The following BICC1 variants were observed in gnomAD, a reference collection of about 807,000 sequenced individuals.
BICC1 encodes protein bicaudal C homolog 1.
In BICC1, 43 loss-of-function variants were observed where a neutral mutation model predicts 111.0. That is an observed-to-expected ratio of 0.39 (90% confidence interval 0.30 to 0.50). The LOEUF (loss-of-function observed/expected upper bound fraction) is 0.50. Ranked by LOEUF, BICC1 falls within the 20% of genes least tolerant of loss-of-function variation. The pLI, the probability that BICC1 is intolerant of heterozygous loss-of-function variation, is 0.88. For missense variants in BICC1, 1,091 were observed against 1,203.2 expected (o/e 0.91, Z 1.38); for synonymous variants, 467 against 434.4 (o/e 1.07, Z -0.93).
intron 2 of BICC1, among the ~76,000 whole-genome samples, chr10:58,639,762 C>T (rs1838067475): frequency 1.5e-5 from 2 of 137,812 alleles, no homozygotes; most frequent in Non-Finnish European, 3.1e-5. Flanking sequence ...TCCTTCGTCT[C>T]CCAGGCTGGG....
intron 3 of BICC1, among the ~76,000 whole-genome samples, chr10:58,718,445 A>G (rs1057090448): frequency 4.6e-5 from 7 of 152,220 alleles, no homozygotes; most frequent in Non-Finnish European, 8.8e-5. Context: ...TTGTGGGCAT[A>G]TAAACATTCA....
chr10:58,627,313 AC>A (rs1837662776), intron 2 of BICC1, among the ~76,000 whole-genome samples: 1 of 152,190 alleles, frequency 6.6e-6, no homozygotes, highest in African/African-American at 2.4e-5. Context: ...ACAAGACAGG[AC>A]CCTGGATTAC....
At chr10:58,760,369 C>CGCCT (rs1564598114) in intron 3 of BICC1, among the ~76,000 whole-genome samples, 1 of 152,102 alleles carries the variant, frequency 6.6e-6, no homozygotes, top group Non-Finnish European at 1.5e-5. Context: ...TCATATATTA[C>CGCCT]GCCTCTTCCA....
intron 20 of BICC1, among the ~76,000 whole-genome samples, chr10:58,821,762 A>G (rs1211507477): frequency 6.6e-6 from 1 of 152,186 alleles, no homozygotes; most frequent in Non-Finnish European, 1.5e-5. Flanking sequence ...TATAGTGGAA[A>G]GAACACTGGA....
chr10:58,647,154 A>C (rs1564529783), intron 2 of BICC1, among the ~76,000 whole-genome samples: 1 of 152,134 alleles, frequency 6.6e-6, no homozygotes, highest in Non-Finnish European at 1.5e-5. Context: ...GTTTTTTTCT[A>C]ACCATCAACT....
chr10:58,512,991 T>TGGC lies in BICC1; in HGVS notation c.-142_-140dup, dbSNP rs564865167. The TGGC allele has an allele frequency of 7.0e-5, 26 of 372,414 alleles. No individual in the cohort carries two copies. Among genetic ancestry groups the TGGC allele is most frequent in the Non-Finnish European group, 9.4e-5 (24 of 255,592 alleles). 23.1% of individuals were successfully genotyped at this position (372,414 alleles called of 1,614,324 possible). On this transcript the variant is annotated 5_prime_UTR_variant, in exon 1 of 21. Transcript: ENST00000373886. The stretch of plus-strand genomic sequence containing the variant: ...GGGCTGGGATGCGCCGGGGGCTCAG[T>TGGC]GGCGGCGGCGGCGTTGGCGGTGGCG...
At chr10:58,690,748 A>C (rs1391210032) in intron 2 of BICC1, among the ~76,000 whole-genome samples, 1 of 152,164 alleles carries the variant, frequency 6.6e-6, no homozygotes, top group Non-Finnish European at 1.5e-5. Flanking sequence ...ATCAGCATAG[A>C]TGCCATCAGG....
chr10:58,831,148 A>G lies in BICC1; in HGVS notation c.*2257A>G, dbSNP rs968654901. 30 of 152,232 alleles carry G rather than the reference A, an allele frequency of 2.0e-4. No homozygotes were observed. Among genetic ancestry groups the G allele is most frequent in the Admixed American group, 5.2e-4 (8 of 15,280 alleles). The allele number at this position is 152,232 out of a possible 1,614,324, so 9.4% of individuals were successfully genotyped here. A position where few individuals can be genotyped will look rare whatever the true frequency, so the allele number is the denominator to read the frequency against. ...CTTTCTCTCACTTTCTCTTGATGCAATGAAGGGAATATGACACTACAGTAT... is the reference window on the plus strand; with the variant it reads ...CTTTCTCTCACTTTCTCTTGATGCAGTGAAGGGAATATGACACTACAGTAT... On this transcript the variant is annotated 3_prime_UTR_variant, in exon 21 of 21. Coordinates refer to ENST00000373886, the MANE Select transcript of BICC1 (RefSeq NM_001080512.3).
intron 17 of BICC1, among the ~76,000 whole-genome samples, chr10:58,810,338 A>C (rs892068958): frequency 6.6e-6 from 1 of 152,150 alleles, no homozygotes; most frequent in Non-Finnish European, 1.5e-5. Flanking sequence ...CAGCACATTC[A>C]CATTGAAATT....
chr10:58,708,691 G>A (rs531135380), intron 3 of BICC1, among the ~76,000 whole-genome samples: 4 of 147,814 alleles, frequency 2.7e-5, no homozygotes, highest in East Asian at 2.1e-4. Flanking sequence ...ATGCAAATGG[G>A]GTCTCTACTT....
chr10:58,823,439 T>C (rs920490281), intron 20 of BICC1: 1 of 983,776 alleles, frequency 1.0e-6, no homozygotes, highest in Non-Finnish European at 1.2e-6. Context: ...CTCTGGAAGA[T>C]TTATCTCTGT....
chr10:58,718,716 A>G (rs1191407228), intron 3 of BICC1, among the ~76,000 whole-genome samples: 2 of 151,328 alleles, frequency 1.3e-5, no homozygotes, highest in Admixed American at 1.3e-4. Flanking sequence ...TCTAAAGACT[A>G]GGTCCTCAAT....
chr10:58,772,140 A>G (rs548641581), intron 3 of BICC1, among the ~76,000 whole-genome samples: 1 of 152,214 alleles, frequency 6.6e-6, no homozygotes, highest in South Asian at 2.1e-4. Flanking sequence ...TAGAACTTCA[A>G]GTTCCATTCC....
intron 2 of BICC1, among the ~76,000 whole-genome samples, chr10:58,628,249 T>G (rs1837693695): frequency 6.6e-6 from 1 of 152,190 alleles, no homozygotes; most frequent in South Asian, 2.1e-4. Flanking sequence ...TAAGATAGAT[T>G]GAAGTTGTTA....
rs1009561599 is a variant in BICC1, at chr10:58,513,083, G to A, written c.-61G>A. ...AGCCAGTTGAGCCCGGCCGGCGAGC[G>A]GAGGCGGCAGCGCAGGCAGAGCGGC... On this transcript the variant is annotated 5_prime_UTR_variant, in exon 1 of 21. Transcript: ENST00000373886. 158 of 1,248,232 alleles carry A rather than the reference G, an allele frequency of 1.3e-4. No individual in the cohort carries two copies. Among genetic ancestry groups the A allele is most frequent in the Non-Finnish European group, 1.5e-4 (149 of 984,792 alleles). 77.3% of individuals were successfully genotyped at this position (1,248,232 alleles called of 1,614,324 possible). A position where few individuals can be genotyped will look rare whatever the true frequency, so the allele number is the denominator to read the frequency against.
At position 58,800,289 on chromosome 10, in the gene BICC1, G is replaced by A; in HGVS notation, c.1821G>A (p.Gly607=). The A allele has an allele frequency of 6.2e-7, 1 of 1,613,764 alleles. No individual in the cohort carries two copies. The highest frequency in any genetic ancestry group is 1.1e-5 in the South Asian group (1 of 91,036). ...GGGATCCGTCCATCCAGACAAGTGG[G>A]TCTGAGCAGACATCTCCCAAATCAA... ...NHGDPSIQTS[G]SEQTSPKSSP... The change falls in exon 13 of 21, where the codon GGG becomes GGA. Residue 607 remains glycine (G), a synonymous_variant. Transcript: ENST00000373886.
chr10:58,691,978 T>C (rs1361364820), intron 2 of BICC1, among the ~76,000 whole-genome samples: 1 of 152,250 alleles, frequency 6.6e-6, no homozygotes, highest in African/African-American at 2.4e-5. Context: ...TCTTCTGTTC[T>C]CTTCATGTTA....
At chr10:58,733,866 A>G (rs569039607) in intron 3 of BICC1, among the ~76,000 whole-genome samples, 5 of 152,342 alleles carry the variant, frequency 3.3e-5, no homozygotes, top group Admixed American at 2.6e-4. Flanking sequence ...ATGCAGAACT[A>G]TGAATGTTGT....
intron 3 of BICC1, among the ~76,000 whole-genome samples, chr10:58,743,056 G>T (rs149462539): frequency 2.0e-4 from 30 of 152,290 alleles, no homozygotes; most frequent in African/African-American, 7.2e-4. Context: ...GGTGGCAATT[G>T]AACCTGGTTT....
Sources: allele counts gnomAD v4.1 joint callset (sites outside exome capture counted in the v4.1 genomes callset), GRCh38; gene constraint gnomAD v4.1.1; transcripts MANE v1.5; gene names NCBI Gene and HGNC (gene_info 2026-07-23, HGNC 2026-07-21).